The following MIB2 variants were observed in gnomAD, a reference collection of about 807,000 sequenced individuals.
MIB2 encodes the protein E3 ubiquitin-protein ligase MIB2.
Under a neutral mutation model 96.6 loss-of-function variants are expected in MIB2, and 78 were observed. The observed-to-expected ratio is 0.81, with a 90% CI of 0.67 to 0.97. The LOEUF (loss-of-function observed/expected upper bound fraction) is 0.97. Ranked by LOEUF, MIB2 falls within the 50% of genes least tolerant of loss-of-function variation. The probability of loss-of-function intolerance (pLI) is 0.00; values close to 1 mark genes in which losing one functional copy is unlikely to be tolerated. For synonymous variants in MIB2, 820 were observed against 629.5 expected, an observed-to-expected ratio of 1.30 and a Z score of -4.53; for missense variants, 1,543 against 1,424.0, an observed-to-expected ratio of 1.08 and a Z score of -1.35.
chr1:1,616,096 G>C (rs1476486248), intron 1 of MIB2: 2 of 984,182 alleles, frequency 2.0e-6, no homozygotes, highest in Non-Finnish European at 2.4e-6. Flanking sequence ...AGTTGGGGTC[G>C]GCAGGTACTG....
Position 1,628,327 on chromosome 1 carries a change from G to C in MIB2, c.1896G>C (p.Glu632Asp), listed in dbSNP as rs200650601. The C allele has an allele frequency of 4.8e-5, 78 of 1,612,782 alleles. No individual in the cohort carries two copies. The highest frequency in any genetic ancestry group is 1.6e-4 in the Middle Eastern group (1 of 6,084). Reference sequence around the variant, plus strand: ...GGCAGCTGGTGGACGCCAAGAAGGAGGACGGCTTCACGGCGCTGCATCTGG... The same window carrying C: ...GGCAGCTGGTGGACGCCAAGAAGGACGACGGCTTCACGGCGCTGCATCTGG... ...RARQLVDAKK[E>D]DGFTALHLAA... The change falls in exon 15 of 20, where the codon GAG becomes GAC. Residue 632 changes from glutamate to aspartate, a missense_variant. By Grantham distance (45) the Glu-to-Asp change is conservative. Transcript: ENST00000355826.
chr1:1,630,556 T>G lies in MIB2; in HGVS notation c.*26T>G, dbSNP rs971646265. 2.0e-6 allele frequency: 3 copies of G among 1,485,196 alleles called. No homozygotes were observed. Among genetic ancestry groups the G allele is most frequent in the Non-Finnish European group, 2.7e-6 (3 of 1,108,390 alleles). 92.0% of individuals were successfully genotyped at this position (1,485,196 alleles called of 1,614,324 possible). Reference sequence around the variant, plus strand: ...GCCGCGCCGTCCGCCGCGCCCGAGCTGCCTTCGCGTGCCCCCGCCCTGTGT... The same window carrying G: ...GCCGCGCCGTCCGCCGCGCCCGAGCGGCCTTCGCGTGCCCCCGCCCTGTGT... On this transcript the variant is annotated 3_prime_UTR_variant, in exon 20 of 20. Coordinates refer to ENST00000355826, the MANE Select transcript of MIB2 (RefSeq NM_001170687.4).
At chr1:1,615,782 G>C in intron 1 of MIB2, 149 bp downstream of exon 1, 1 of 1,338,494 alleles carries the variant, frequency 7.5e-7, no homozygotes, top group Non-Finnish European at 9.6e-7. Context: ...GCACGGGATG[G>C]GCTGGGGCTG....
At chr1:1,629,065 T>TGCCAGGA in intron 16 of MIB2, 68 bp from the exon 17 acceptor site, 1 of 1,357,592 alleles carries the variant, frequency 7.4e-7, no homozygotes, top group Non-Finnish European at 9.5e-7. Flanking sequence ...GGCTGCCAGG[T>TGCCAGGA]GCCAGGAGAC....
At chr1:1,613,824 T>C (rs1309622005), upstream of MIB2, 1 of 152,172 alleles carries the variant, frequency 6.6e-6, no homozygotes, top group Non-Finnish European at 1.5e-5. Flanking sequence ...ACAGACAAAG[T>C]GAGTCTCAAG....
chr1:1,623,223 C>A (rs940100684), intron 2 of MIB2: 1 of 821,120 alleles, frequency 1.2e-6, no homozygotes, highest in Non-Finnish European at 1.8e-6. Flanking sequence ...CAGGCTGGCA[C>A]GGCGCCCGCC....
Position 1,630,422 on chromosome 1 carries a change from C to T in MIB2, c.2760C>T (p.Arg920=). 4 of 1,585,604 alleles carry T rather than the reference C, an allele frequency of 2.5e-6. 1 individual carries two copies. The highest frequency in any genetic ancestry group is 4.6e-5 in the East Asian group (2 of 43,056). The change falls in exon 20 of 20, where the codon CGC becomes CGT. Residue 920 remains arginine, a synonymous_variant. Transcript: ENST00000355826. ...TCPICIDSHI[R]LVFQCGHGAC... ...CCATCTGCATCGACAGCCACATCCG[C>T]CTCGTGTTCCAGTGCGGCCACGGCG...
intron 1 of MIB2, 178 bp downstream of exon 1, chr1:1,615,811 G>T: frequency 7.6e-7 from 1 of 1,309,872 alleles, no homozygotes; most frequent in Non-Finnish European, 9.7e-7. Flanking sequence ...GCGCCGCCGC[G>T]GGGCCTCCTG....
chr1:1,616,732 G>C, intron 2 of MIB2, 118 bp downstream of exon 2: 1 of 760,618 alleles, frequency 1.3e-6, no homozygotes, highest in Non-Finnish European at 2.1e-6. Context: ...CGAGTGGAGG[G>C]GAGTGGTGAG....
Position 1,625,664 on chromosome 1 carries a change from G to A in MIB2, c.972+11G>A, listed in dbSNP as rs781551819. 81 of 1,549,940 alleles carry A rather than the reference G, an allele frequency of 5.2e-5. No individual in the cohort carries two copies. In the African/African-American group the frequency reaches 5.9e-4, roughly 11 times the overall value. ...GGGGCGCTCACCAAGGTGCCGGGGGGGCTGGGCTGCGCCTCATCTGCTTGC... is the reference window on the plus strand; with the variant it reads ...GGGGCGCTCACCAAGGTGCCGGGGGAGCTGGGCTGCGCCTCATCTGCTTGC... On this transcript the variant is annotated intron_variant, in intron 8 of 19. Transcript: ENST00000355826. The surrounding 1 kb of genome is among the most constrained non-coding windows in gnomAD (Gnocchi z 5.0).
chr1:1,615,233 G>A (rs919260298), upstream of MIB2: 14 of 827,370 alleles, frequency 1.7e-5, no homozygotes, highest in Non-Finnish European at 2.4e-5. Context: ...GTCGGAAAGA[G>A]GTGGCTGCGG....
Position 1,625,467 on chromosome 1 carries a change from T to G in MIB2, c.864+39T>G. The G allele has an allele frequency of 6.5e-7, 1 of 1,538,698 alleles. No homozygotes were observed. The highest frequency in any genetic ancestry group is 1.2e-5 in the South Asian group (1 of 84,674). Reference sequence around the variant, plus strand: ...CCGTGGAGCCCTGTGTGCCCTGCCCTCCCAGCCCTCCGCCCCCTCAGCCCC... The same window carrying G: ...CCGTGGAGCCCTGTGTGCCCTGCCCGCCCAGCCCTCCGCCCCCTCAGCCCC... On this transcript the variant is annotated intron_variant, in intron 7 of 19. Coordinates refer to ENST00000355826, the MANE Select transcript of MIB2 (RefSeq NM_001170687.4). This position sits in a 1 kb window ranked among gnomAD's most constrained non-coding sequence, Gnocchi z 5.0.
intron 16 of MIB2, 26 bp from the exon 17 acceptor site, chr1:1,629,095 CGGCGCCCGCCCT>C: frequency 7.1e-7 from 1 of 1,404,888 alleles, no homozygotes; most frequent in Non-Finnish European, 9.2e-7. Flanking sequence ...GGGCCTGCCC[CGGCGCCCGCCCT>C]CACCGGCGTC....
rs999312938 is a variant in MIB2, at chr1:1,627,892, C to T, written c.1680+63C>T. The T allele has an allele frequency of 1.4e-5, 22 of 1,594,448 alleles. No homozygotes were observed. In the East Asian group the frequency reaches 3.6e-4, roughly 26 times the overall value. On this transcript the variant is annotated intron_variant, in intron 13 of 19. Coordinates refer to ENST00000355826, the MANE Select transcript of MIB2 (RefSeq NM_001170687.4). ...TGAGTGCTTGTCCCTGGCCTGGGTT[C>T]CCTCTGCCCATGTGTGCTGCTCCCT...
rs574612606 is a variant in MIB2, at chr1:1,628,783, G to A, written c.2202+61G>A. 1.9e-5 allele frequency: 25 copies of A among 1,337,610 alleles called. No individual in the cohort carries two copies. In the South Asian group the frequency reaches 2.6e-4, roughly 14 times the overall value. The allele number at this position is 1,337,610 out of a possible 1,614,324, so 82.9% of individuals were successfully genotyped here. A position where few individuals can be genotyped will look rare whatever the true frequency, so the allele number is the denominator to read the frequency against. On this transcript the variant is annotated intron_variant, in intron 16 of 19. Coordinates refer to ENST00000355826, the MANE Select transcript of MIB2 (RefSeq NM_001170687.4). The stretch of plus-strand genomic sequence containing the variant: ...CGGTGGCGCCGGCAGCAGGCTCTGG[G>A]CAGGGCCTGTGCCACTGTCCACCTT...
chr1:1,629,769 C>G, intron 19 of MIB2, 65 bp downstream of exon 19: 3 of 1,453,872 alleles, frequency 2.1e-6, no homozygotes, highest in Non-Finnish European at 2.8e-6. Context: ...GTCCCCGTCC[C>G]CCACCCCTTC....
intron 11 of MIB2, 38 bp from the exon 12 acceptor site, chr1:1,627,258 C>T (rs756566827): frequency 3.7e-6 from 6 of 1,612,910 alleles, no homozygotes; most frequent in African/African-American, 1.3e-5. Flanking sequence ...GAGTGAGGGG[C>T]AGAGGGCCAG....
chr1:1,623,477 G>GTGCAGGTGGGCA lies in MIB2; in HGVS notation c.29_40dup (p.Gln10_Met13dup). The GTGCAGGTGGGCA allele has an allele frequency of 6.3e-7, 1 of 1,588,870 alleles. No individual in the cohort carries two copies. Among genetic ancestry groups the GTGCAGGTGGGCA allele is most frequent in the Non-Finnish European group, 8.5e-7 (1 of 1,169,596 alleles). On this transcript the variant is annotated inframe_insertion, in exon 3 of 20. Coordinates refer to ENST00000355826, the MANE Select transcript of MIB2 (RefSeq NM_001170687.4). ...CATGGACCCAGACCCCCAGGCGGGC[G>GTGCAGGTGGGCA]TGCAGGTGGGCATGCGGGTGGTGCG...
chr1:1,617,046 G>T, intron 2 of MIB2: 1 of 189,468 alleles, frequency 5.3e-6, no homozygotes, highest in Non-Finnish European at 1.1e-5. Context: ...GATTGGAGGT[G>T]GCCGCAGCGC....
Sources: allele counts gnomAD v4.1 joint callset, GRCh38; gene constraint gnomAD v4.1.1; non-coding constraint Gnocchi (gnomAD v3.1); transcripts MANE v1.5; gene names NCBI Gene and HGNC (gene_info 2026-07-23, HGNC 2026-07-21).